Variants in DACH2 observed in about 807,000 individuals in gnomAD.
The protein encoded by DACH2 is dachshund family transcription factor 2, also known as dachshund homolog 2.
Under a neutral mutation model 35.8 loss-of-function variants are expected in DACH2, and 17 were observed. The ratio of observed to expected loss-of-function variants is 0.48; its 90% CI spans 0.33 to 0.71. The LOEUF (loss-of-function observed/expected upper bound fraction) is 0.71, where lower values mean the gene tolerates loss of function less well. DACH2 is among the 30% of genes least tolerant of loss of function. The pLI is 0.02. For missense variants in DACH2, 469 were observed against 472.7 expected (o/e 0.99, Z 0.07); for synonymous variants, 195 against 177.3 (o/e 1.10, Z -0.79).
intron 5 of DACH2, among the ~76,000 whole-genome samples, chrX:86,712,108 A>G (rs994414177): frequency 2.4e-4 from 27 of 111,620 alleles, no homozygotes; most frequent in African/African-American, 8.5e-4. Flanking sequence ...CAGTGTAAAC[A>G]AAGAAGGACT....
At chrX:86,699,300 G>T (rs922927874) in intron 5 of DACH2, among the ~76,000 whole-genome samples, 3 of 112,203 alleles carry the variant, frequency 2.7e-5, no homozygotes, top group South Asian at 3.7e-4. Context: ...ATAGACCATG[G>T]ATTAGTCCAT....
intron 2 of DACH2, among the ~76,000 whole-genome samples, chrX:86,421,033 A>T (rs2036793122): frequency 9.0e-6 from 1 of 111,383 alleles, no homozygotes. Flanking sequence ...CCACTTATTC[A>T]AGCAGAAAAT....
At chrX:86,526,943 A>G in intron 3 of DACH2, among the ~76,000 whole-genome samples, 1 of 110,508 alleles carries the variant, frequency 9.0e-6, no homozygotes, top group Admixed American at 9.7e-5. Flanking sequence ...AACTATAGTA[A>G]TATAGAAAAC....
chrX:86,249,053 C>G (rs1248719027), intron 1 of DACH2, among the ~76,000 whole-genome samples: 1 of 111,387 alleles, frequency 9.0e-6, no homozygotes, highest in Non-Finnish European at 1.9e-5. Context: ...CAAAAATCAA[C>G]ACAAAATGGA....
At chrX:86,781,898 T>C (rs2042092594) in intron 7 of DACH2, among the ~76,000 whole-genome samples, 2 of 112,051 alleles carry the variant, frequency 1.8e-5, no homozygotes, top group Admixed American at 1.9e-4. Flanking sequence ...CAAAGTATCC[T>C]TGTTTGCAAA....
chrX:86,713,988 G>C (rs2041307727), intron 5 of DACH2, among the ~76,000 whole-genome samples: 1 of 111,438 alleles, frequency 9.0e-6, no homozygotes, highest in Non-Finnish European at 1.9e-5. Context: ...ATTATTTATT[G>C]ACAAAGACTT....
intron 6 of DACH2, among the ~76,000 whole-genome samples, chrX:86,719,151 C>T (rs2041371821): frequency 8.9e-6 from 1 of 111,773 alleles, no homozygotes; most frequent in African/African-American, 3.2e-5. Flanking sequence ...ATTACTTTCA[C>T]CAGTGTTTTG....
intron 6 of DACH2, among the ~76,000 whole-genome samples, chrX:86,719,809 G>C (rs1337620042): frequency 9.1e-6 from 1 of 110,169 alleles, no homozygotes; most frequent in Non-Finnish European, 1.9e-5. Context: ...GTGAGATTTG[G>C]GTGGGGACAC....
intron 2 of DACH2, among the ~76,000 whole-genome samples, chrX:86,504,884 C>T (rs769696705): frequency 9.0e-6 from 1 of 111,367 alleles, no homozygotes; most frequent in Admixed American, 9.6e-5. Context: ...AGAGATGCCT[C>T]ACAAATGTTT....
At chrX:86,154,063 G>A (rs1189604984) in intron 1 of DACH2, among the ~76,000 whole-genome samples, 2 of 111,523 alleles carry the variant, frequency 1.8e-5, no homozygotes, top group Non-Finnish European at 3.8e-5. Context: ...TCCTATAGAA[G>A]ATATCAAGTC....
chrX:86,732,934 G>A (rs2041548001), intron 6 of DACH2, among the ~76,000 whole-genome samples: 1 of 111,365 alleles, frequency 9.0e-6, no homozygotes, highest in Non-Finnish European at 1.9e-5. Context: ...TTGGCCTACA[G>A]CATTGATTTA....
chrX:86,668,091 T>A (rs2040721224), intron 4 of DACH2, among the ~76,000 whole-genome samples: 1 of 111,431 alleles, frequency 9.0e-6, no homozygotes, highest in Non-Finnish European at 1.9e-5. Context: ...ATTTGAAGAA[T>A]TAGCACTGTG....
At chrX:86,435,237 A>G (rs1027316032) in intron 2 of DACH2, among the ~76,000 whole-genome samples, 7 of 111,537 alleles carry the variant, frequency 6.3e-5, no homozygotes, top group Non-Finnish European at 1.3e-4. Context: ...GATGATTTTT[A>G]TTTATCTTGG....
intron 3 of DACH2, among the ~76,000 whole-genome samples, chrX:86,619,779 G>A (rs1008075056): frequency 8.0e-5 from 9 of 111,913 alleles, no homozygotes; most frequent in African/African-American, 2.9e-4. Context: ...TCTAGTTACT[G>A]TACCATGAAA....
At chrX:86,332,348 G>T (rs2035228826) in intron 1 of DACH2, among the ~76,000 whole-genome samples, 1 of 111,102 alleles carries the variant, frequency 9.0e-6, no homozygotes, top group Non-Finnish European at 1.9e-5. Context: ...CATAATTGTG[G>T]CCTCCGACTA....
At chrX:86,383,339 T>C (rs1052576430) in intron 2 of DACH2, among the ~76,000 whole-genome samples, 2 of 108,517 alleles carry the variant, frequency 1.8e-5, no homozygotes, top group Non-Finnish European at 3.8e-5. Context: ...ATGAACATTG[T>C]CATATGGCCT....
At chrX:86,151,290 ATGTG>A (rs779592233) in intron 1 of DACH2, among the ~76,000 whole-genome samples, 3 of 111,670 alleles carry the variant, frequency 2.7e-5, no homozygotes, top group African/African-American at 9.7e-5. Flanking sequence ...GCTTTTGTGT[ATGTG>A]TGTGTATAAA....
At chrX:86,259,428 T>C (rs986476249) in intron 1 of DACH2, among the ~76,000 whole-genome samples, 2 of 111,747 alleles carry the variant, frequency 1.8e-5, no homozygotes, top group Non-Finnish European at 3.8e-5. Flanking sequence ...TTGCATTTAA[T>C]GTCTGTCCTG....
At chrX:86,744,246 C>T (rs2041687076) in intron 7 of DACH2, among the ~76,000 whole-genome samples, 4 of 110,944 alleles carry the variant, frequency 3.6e-5, no homozygotes, top group African/African-American at 1.3e-4. Context: ...CTGATGAGGA[C>T]ATTAATAAGC....
Sources: gnomAD v4.1 joint callset for allele counts (sites outside exome capture counted in the v4.1 genomes callset) on GRCh38, gnomAD v4.1.1 for gene constraint, MANE v1.5 for transcripts, NCBI Gene and HGNC (gene_info 2026-07-23, HGNC 2026-07-21) for gene names.